Variants in DIAPH2 observed in about 807,000 individuals in gnomAD.
DIAPH2 encodes protein diaphanous homolog 2.
DIAPH2 carries 35 observed loss-of-function variants against 92.7 expected under a neutral mutation model. The ratio of observed to expected loss-of-function variants is 0.38; its 90% CI spans 0.29 to 0.50. DIAPH2 has a LOEUF of 0.50. Among genes scored for constraint, DIAPH2 ranks in the 20% least tolerant of loss-of-function variants. DIAPH2 has a pLI of 0.94. For synonymous variants in DIAPH2, 301 were observed against 280.4 expected (o/e 1.07, Z -0.73); for missense variants, 701 against 819.5 (o/e 0.86, Z 1.77).
At chrX:96,716,698 C>T (rs746609744) in intron 1 of DIAPH2, among the ~76,000 whole-genome samples, 92 of 111,066 alleles carry the variant, frequency 8.3e-4, no homozygotes, top group Non-Finnish European at 1.5e-3. Flanking sequence ...GAAGAGTTGC[C>T]GTAGAATTGA....
intron 4 of DIAPH2, among the ~76,000 whole-genome samples, chrX:96,856,396 C>T (rs2065039607): frequency 9.2e-6 from 1 of 109,025 alleles, no homozygotes; most frequent in Admixed American, 9.9e-5. Context: ...AATTGTATGC[C>T]TGCTAAATGA....
intron 22 of DIAPH2, among the ~76,000 whole-genome samples, chrX:97,159,099 C>G (rs2147435930): frequency 8.9e-6 from 1 of 111,759 alleles, no homozygotes; most frequent in South Asian, 3.7e-4. Flanking sequence ...TATATCTGAA[C>G]AAAAATTTTA....
chrX:96,898,102 C>A (rs1415240002), intron 5 of DIAPH2, among the ~76,000 whole-genome samples: 12 of 89,735 alleles, frequency 1.3e-4, no homozygotes, highest in South Asian at 7.0e-4. Context: ...ATATGTGCCA[C>A]ATTTTCTTAA....
intron 26 of DIAPH2, chrX:97,469,744 A>T (rs183339575): frequency 3.3e-6 from 4 of 1,204,352 alleles, no homozygotes; most frequent in East Asian, 5.9e-5. Context: ...AGCTACATAA[A>T]CGGCCTGAGT....
intron 14 of DIAPH2, among the ~76,000 whole-genome samples, chrX:96,948,061 ACTG>A (rs1178717602): frequency 1.8e-5 from 2 of 112,050 alleles, no homozygotes; most frequent in Non-Finnish European, 1.9e-5. Flanking sequence ...TCTGAATGAG[ACTG>A]CTATTAGGGC....
intron 5 of DIAPH2, chrX:96,885,037 A>C (rs778673464): frequency 8.3e-7 from 1 of 1,208,636 alleles, no homozygotes; most frequent in African/African-American, 1.8e-5. Flanking sequence ...TGATTATCTG[A>C]CCGTTGAGGG....
rs1374547099 is a variant in DIAPH2, at chrX:97,476,968, A to ATATAT, written c.3241+47223_3241+47224insTATAT. Among the ~76,000 whole-genome samples the ATATAT allele has an allele frequency of 6.0e-3, 200 of 33,578 alleles. 4 individuals are homozygous for ATATAT. The highest frequency in any genetic ancestry group is 7.5e-3 in the Non-Finnish European group (145 of 19,351). 29.2% of individuals were successfully genotyped at this position (33,578 alleles called of 115,157 possible). A position where few individuals can be genotyped will look rare whatever the true frequency, so the allele number is the denominator to read the frequency against. ...TCAAAAAAAAAAAAAAAAAAAAAAA[A>ATATAT]ATATATATATATATATACACACACA... On this transcript the variant is annotated intron_variant, in intron 26 of 26. Transcript: ENST00000324765.
intron 26 of DIAPH2, among the ~76,000 whole-genome samples, chrX:97,526,985 A>G (rs1334748322): frequency 2.7e-5 from 3 of 111,604 alleles, no homozygotes; most frequent in African/African-American, 6.5e-5. Flanking sequence ...CCTAGCCCCA[A>G]CCCTGCAAAT....
chrX:96,962,310 T>TATAC (rs1439668036), intron 16 of DIAPH2, among the ~76,000 whole-genome samples: 10 of 37,566 alleles, frequency 2.7e-4, no homozygotes, highest in African/African-American at 9.8e-4. Flanking sequence ...CATATATATA[T>TATAC]ACATATATAT....
intron 4 of DIAPH2, among the ~76,000 whole-genome samples, chrX:96,806,744 ATTT>A (rs199907409): frequency 1.2e-5 from 1 of 86,543 alleles, no homozygotes; most frequent in Admixed American, 1.3e-4. Context: ...TGGTTTCTGC[ATTT>A]TTTTTTTTTT....
intron 17 of DIAPH2, among the ~76,000 whole-genome samples, chrX:97,008,902 C>T (rs919371976): frequency 1.8e-5 from 2 of 111,232 alleles, no homozygotes; most frequent in African/African-American, 3.3e-5. Flanking sequence ...GGTTCTCATA[C>T]AAGGCGTATG....
At chrX:97,293,282 A>T (rs1221097508) in intron 23 of DIAPH2, among the ~76,000 whole-genome samples, 1 of 78,313 alleles carries the variant, frequency 1.3e-5, no homozygotes, top group Non-Finnish European at 2.2e-5. Context: ...GACGGAGTCT[A>T]GCTCTGTCGC....
intron 17 of DIAPH2, among the ~76,000 whole-genome samples, chrX:97,053,037 T>G (rs959768408): frequency 1.8e-5 from 2 of 111,500 alleles, no homozygotes; most frequent in Admixed American, 1.9e-4. Flanking sequence ...AATTTTCTTT[T>G]CAGGCCCCAT....
chrX:97,555,472 G>A (rs2071250786), intron 26 of DIAPH2: 2 of 741,873 alleles, frequency 2.7e-6, no homozygotes, highest in Non-Finnish European at 1.6e-6. Context: ...CTGCAAAGGT[G>A]AGAGTTGAAA....
rs1212418775 is a variant in DIAPH2 at position 96,761,858 on chromosome X, G to C, written c.447+3600G>C. 4.5e-5 allele frequency among the ~76,000 whole-genome samples: 5 copies of C among 110,795 alleles called. No individual in the cohort carries two copies. The Admixed American group carries it at 4.8e-4, about 11-fold the overall frequency. ...CTTTTAATTCAGAAGACTGTTAATGGCACCAAAGAGGCTTTTATTCAACTA... is the reference window on the plus strand; with the variant it reads ...CTTTTAATTCAGAAGACTGTTAATGCCACCAAAGAGGCTTTTATTCAACTA... On this transcript the variant is annotated intron_variant, in intron 4 of 26. Coordinates refer to ENST00000324765, the MANE Select transcript of DIAPH2 (RefSeq NM_006729.5).
chrX:96,788,361 A>T (rs756102154), intron 4 of DIAPH2, among the ~76,000 whole-genome samples: 6 of 111,755 alleles, frequency 5.4e-5, no homozygotes, highest in Admixed American at 9.5e-5. Flanking sequence ...ACACTGTGGG[A>T]TATTTGAAGG....
At chrX:97,147,321 T>G (rs904621850) in intron 22 of DIAPH2, among the ~76,000 whole-genome samples, 1 of 110,915 alleles carries the variant, frequency 9.0e-6, no homozygotes, top group African/African-American at 3.3e-5. Flanking sequence ...ATTGAATTTT[T>G]TTTTTCTTTT....
intron 17 of DIAPH2, among the ~76,000 whole-genome samples, chrX:97,010,834 T>C (rs2066220330): frequency 8.9e-6 from 1 of 111,989 alleles, no homozygotes; most frequent in African/African-American, 3.2e-5. Flanking sequence ...CCTGTCTTTA[T>C]TTTTGTTTCT....
At chrX:96,910,011 AT>A (rs1244011507) in intron 5 of DIAPH2, among the ~76,000 whole-genome samples, 4 of 111,336 alleles carry the variant, frequency 3.6e-5, no homozygotes, top group Non-Finnish European at 1.9e-5. Flanking sequence ...ATCATGGATT[AT>A]TTCATCTTCC....
Sources: gnomAD v4.1 joint callset for allele counts (sites outside exome capture counted in the v4.1 genomes callset) on GRCh38, gnomAD v4.1.1 for gene constraint, MANE v1.5 for transcripts, NCBI Gene and HGNC (gene_info 2026-07-23, HGNC 2026-07-21) for gene names.